Variants in ERBB4 observed in about 807,000 individuals in gnomAD.
The protein encoded by ERBB4 is receptor tyrosine-protein kinase erbB-4.
In ERBB4, 42 loss-of-function variants were observed where a neutral mutation model predicts 158.0. The ratio of observed to expected loss-of-function variants is 0.27; its 90% CI spans 0.21 to 0.34. ERBB4 has a LOEUF of 0.34. Ranked by LOEUF, ERBB4 falls within the 10% of genes least tolerant of loss-of-function variation. The pLI is 1.00. For missense variants in ERBB4, 1,333 were observed against 1,624.1 expected (o/e 0.82, Z 3.08); for synonymous variants, 583 against 558.7 (o/e 1.04, Z -0.61).
chr2:211,463,815 T>C (rs1008527851), intron 20 of ERBB4, among the ~76,000 whole-genome samples: 1 of 152,084 alleles, frequency 6.6e-6, no homozygotes, highest in Non-Finnish European at 1.5e-5. Flanking sequence ...AGTCTAAGTC[T>C]TTTCAATGAC....
intron 12 of ERBB4, among the ~76,000 whole-genome samples, chr2:211,695,989 C>T (rs1006505901): frequency 6.7e-5 from 10 of 149,582 alleles, no homozygotes; most frequent in African/African-American, 2.2e-4. Flanking sequence ...TCCTTCCTCC[C>T]TCCTTCCCTT....
chr2:211,889,210 G>C (rs891023498), intron 3 of ERBB4, among the ~76,000 whole-genome samples: 1 of 144,912 alleles, frequency 6.9e-6, no homozygotes, highest in African/African-American at 2.7e-5. Flanking sequence ...CTGAGAACCC[G>C]CAGACTGCCT....
intron 20 of ERBB4, among the ~76,000 whole-genome samples, chr2:211,473,705 A>G (rs1416607241): frequency 6.6e-6 from 1 of 151,956 alleles, no homozygotes; most frequent in Non-Finnish European, 1.5e-5. Flanking sequence ...CTAGGCATCT[A>G]GGTTAAGCTC....
intron 3 of ERBB4, among the ~76,000 whole-genome samples, chr2:211,861,908 C>G (rs2078065887): frequency 6.6e-6 from 1 of 152,076 alleles, no homozygotes; most frequent in African/African-American, 2.4e-5. Flanking sequence ...CTATTAAAGC[C>G]AGCAAATGAT....
chr2:212,238,722 C>A (rs1260897777), intron 1 of ERBB4, among the ~76,000 whole-genome samples: 1 of 152,024 alleles, frequency 6.6e-6, no homozygotes, highest in Non-Finnish European at 1.5e-5. Context: ...AAAAAGATTT[C>A]ATAATTTTTA....
intron 20 of ERBB4, among the ~76,000 whole-genome samples, chr2:211,452,791 G>A (rs1163900368): frequency 6.6e-6 from 1 of 151,934 alleles, no homozygotes; most frequent in Non-Finnish European, 1.5e-5. Flanking sequence ...CACTTCACTG[G>A]GTTTTACCTG....
Position 211,384,089 on chromosome 2 carries a change from C to G in ERBB4, c.3482-29G>C, listed in dbSNP as rs372788955. On this transcript the variant is annotated intron_variant, in intron 27 of 27. Coordinates refer to ENST00000342788, the MANE Select transcript of ERBB4 (RefSeq NM_005235.3). Reference sequence around the variant, plus strand: ...AAGGAATAAAAAAATATCAGCTAACCTCTAGTTTCTGGAAAATATTAATCA... The same window carrying G: ...AAGGAATAAAAAAATATCAGCTAACGTCTAGTTTCTGGAAAATATTAATCA... The G allele has an allele frequency of 3.9e-6, 6 of 1,539,192 alleles. No individual in the cohort carries two copies. The African/African-American group carries it at 8.2e-5, about 21-fold the overall frequency.
chr2:211,781,097 C>G (rs1328960723), intron 4 of ERBB4, among the ~76,000 whole-genome samples: 1 of 152,078 alleles, frequency 6.6e-6, no homozygotes, highest in East Asian at 1.9e-4. Flanking sequence ...CTTAGAAAGG[C>G]ACATCTATTT....
At chr2:212,136,430 G>A (rs1048150287) in intron 1 of ERBB4, among the ~76,000 whole-genome samples, 1 of 152,148 alleles carries the variant, frequency 6.6e-6, no homozygotes, top group African/African-American at 2.4e-5. Context: ...GTGAAACATT[G>A]TACTATTGTC....
intron 21 of ERBB4, among the ~76,000 whole-genome samples, chr2:211,429,302 C>T (rs1019526341): frequency 6.6e-6 from 1 of 152,068 alleles, no homozygotes; most frequent in African/African-American, 2.4e-5. Flanking sequence ...CTCCCTTCTC[C>T]TCTCATATAA....
At chr2:211,633,147 A>G (rs917497266) in intron 16 of ERBB4, among the ~76,000 whole-genome samples, 1 of 152,134 alleles carries the variant, frequency 6.6e-6, no homozygotes, top group Admixed American at 6.6e-5. Context: ...GACTTAATAG[A>G]CATAGCAACT....
intron 16 of ERBB4, among the ~76,000 whole-genome samples, chr2:211,657,337 C>G (rs1270274631): frequency 6.6e-6 from 1 of 151,816 alleles, no homozygotes; most frequent in Admixed American, 6.6e-5. Flanking sequence ...GGTGAAAACC[C>G]ATCTCTACTA....
chr2:212,532,348 G>A (rs967855164), intron 1 of ERBB4, among the ~76,000 whole-genome samples: 12 of 152,206 alleles, frequency 7.9e-5, no homozygotes, highest in African/African-American at 2.9e-4. Context: ...CCTCAAAGCT[G>A]CCTCCTCCCT....
At chr2:211,986,047 A>T (rs567310694) in intron 2 of ERBB4, among the ~76,000 whole-genome samples, 17 of 152,204 alleles carry the variant, frequency 1.1e-4, no homozygotes, top group Middle Eastern at 3.2e-3. Flanking sequence ...AGAAAAGAAA[A>T]CAGATCTGCA....
At chr2:211,873,898 G>A (rs928680765) in intron 3 of ERBB4, among the ~76,000 whole-genome samples, 2 of 151,752 alleles carry the variant, frequency 1.3e-5, no homozygotes, top group Admixed American at 6.6e-5. Context: ...CTTCAAAAAT[G>A]TATTGACTGT....
chr2:211,758,047 TTGA>T (rs2075325176), intron 4 of ERBB4, among the ~76,000 whole-genome samples: 1 of 152,200 alleles, frequency 6.6e-6, no homozygotes, highest in Non-Finnish European at 1.5e-5. Flanking sequence ...AAAAGAAAAA[TTGA>T]TGATAATCCA....
intron 20 of ERBB4, among the ~76,000 whole-genome samples, chr2:211,513,260 A>C (rs1384287766): frequency 1.3e-5 from 2 of 150,002 alleles, no homozygotes. Flanking sequence ...CTGAGGCAGG[A>C]GAATGGCGTG....
intron 1 of ERBB4, among the ~76,000 whole-genome samples, chr2:212,241,078 T>C (rs2084085621): frequency 6.6e-6 from 1 of 152,100 alleles, no homozygotes; most frequent in Non-Finnish European, 1.5e-5. Flanking sequence ...TTAAACTTAT[T>C]TCCAAGTAAT....
chr2:211,936,212 A>G (rs1448360009), intron 3 of ERBB4, among the ~76,000 whole-genome samples: 2 of 151,946 alleles, frequency 1.3e-5, no homozygotes, highest in African/African-American at 4.8e-5. Context: ...TTGCCAGAAT[A>G]TTCTGAGACC....
Sources: gnomAD v4.1 joint callset for allele counts (sites outside exome capture counted in the v4.1 genomes callset) on GRCh38, gnomAD v4.1.1 for gene constraint, MANE v1.5 for transcripts, NCBI Gene and HGNC (gene_info 2026-07-23, HGNC 2026-07-21) for gene names.